B4GALT7: variants seen among roughly 807,000 people sequenced by gnomAD.
B4GALT7 encodes beta-1,4-galactosyltransferase 7.
B4GALT7 carries 30 observed loss-of-function variants against 33.0 expected under a neutral mutation model. The observed-to-expected ratio is 0.91, with a 90% CI of 0.68 to 1.23. B4GALT7 has a LOEUF of 1.23. Ranked by LOEUF, B4GALT7 falls within the 50% of genes most tolerant of loss-of-function variation. B4GALT7 has a pLI of 0.00. For missense variants in B4GALT7, 507 were observed against 450.8 expected, an observed-to-expected ratio of 1.12 and a Z score of -1.13; for synonymous variants, 213 against 187.2, an observed-to-expected ratio of 1.14 and a Z score of -1.13.
At position 177,608,020 on chromosome 5, in the gene B4GALT7, G is replaced by T; in HGVS notation, c.639+493G>T. The stretch of plus-strand genomic sequence containing the variant: ...GCTTGAGTGCTGAGCCCACCCCTCA[G>T]CCAGTCACTGGCTGGTGGACGGGCA... On this transcript the variant is annotated intron_variant, in intron 3 of 5. Coordinates refer to ENST00000029410, the MANE Select transcript of B4GALT7 (RefSeq NM_007255.3). This position sits in a 1 kb window ranked among gnomAD's most constrained non-coding sequence, Gnocchi z 4.1. 4.3e-6 allele frequency: 1 copy of T among 234,176 alleles called. No homozygotes were observed. Among genetic ancestry groups the T allele is most frequent in the Non-Finnish European group, 8.5e-6 (1 of 117,332 alleles). The allele number at this position is 234,176 out of a possible 1,614,324, so 14.5% of individuals were successfully genotyped here.
intron 2 of B4GALT7, chr5:177,604,966 T>C (rs28698736): frequency 0.99 from 451,341 of 457,468 alleles, 222,929 homozygotes; most frequent in East Asian, 1. Context: ...CTAAAATCCC[T>C]GCCCTTACCA....
chr5:177,609,416 A>G (rs754085502), intron 5 of B4GALT7, 124 bp from the exon 6 acceptor site: 35 of 1,272,140 alleles, frequency 2.8e-5, no homozygotes, highest in Non-Finnish European at 3.8e-5. Context: ...CACTGCTTTG[A>G]GCTCTGGGTT....
In B4GALT7 at chr5:177,600,498, T is replaced by TC. The variant is rs899423088; in HGVS notation, c.50+244dup. Among the ~76,000 whole-genome samples the TC allele has an allele frequency of 6.8e-6, 1 of 146,078 alleles. No individual in the cohort carries two copies. The highest frequency in any genetic ancestry group is 1.5e-5 in the Non-Finnish European group (1 of 66,722). On this transcript the variant is annotated intron_variant, in intron 1 of 5. Coordinates refer to ENST00000029410, the MANE Select transcript of B4GALT7 (RefSeq NM_007255.3). This position sits in a 1 kb window ranked among gnomAD's most constrained non-coding sequence, Gnocchi z 4.4. ...GGCACTCGTCCTTCCCCCAGCACCT[T>TC]CCCCCCGGCCCGTGGGTCCGTATTT...
intron 2 of B4GALT7, among the ~76,000 whole-genome samples, chr5:177,604,756 C>A (rs1234687815): frequency 6.6e-6 from 1 of 152,030 alleles, no homozygotes; most frequent in African/African-American, 2.4e-5. Context: ...TATACCAGGG[C>A]AAGAGGAGAA....
intron 2 of B4GALT7, 23 bp downstream of exon 2, chr5:177,604,564 C>A (rs778822650): frequency 1.2e-6 from 2 of 1,613,044 alleles, no homozygotes; most frequent in East Asian, 2.2e-5. Flanking sequence ...CCCACCCTCT[C>A]CCCTCGGCAC....
Position 177,609,029 on chromosome 5 carries a change from C to G in B4GALT7, c.828+15C>G, listed in dbSNP as rs1768100937. 2 of 1,604,522 alleles carry G rather than the reference C, an allele frequency of 1.2e-6. No homozygotes were observed. On this transcript the variant is annotated intron_variant, in intron 5 of 5. Coordinates refer to ENST00000029410, the MANE Select transcript of B4GALT7 (RefSeq NM_007255.3). ...CTCAAAAACAGGTGCTGGCAGGGCT[C>G]CTCATTGGGGACAGATAGGTGGTCA...
At chr5:177,601,739 C>G (rs1420468830) in intron 1 of B4GALT7, among the ~76,000 whole-genome samples, 1 of 151,960 alleles carries the variant, frequency 6.6e-6, no homozygotes, top group Non-Finnish European at 1.5e-5. Flanking sequence ...CTGGACTGCC[C>G]CTCAGAGCCA....
At chr5:177,605,819 CTT>C (rs1046719431) in intron 2 of B4GALT7, 2 of 152,910 alleles carry the variant, frequency 1.3e-5, no homozygotes, top group African/African-American at 4.8e-5. Context: ...ACCTCCTTCC[CTT>C]TCTCTCCCCT....
In B4GALT7 at chr5:177,609,528, C is replaced by T. The variant is rs375904246; in HGVS notation, c.829-12C>T. 1 of 1,612,846 alleles carries T rather than the reference C, an allele frequency of 6.2e-7. No individual in the cohort carries two copies. The highest frequency in any genetic ancestry group is 8.5e-7 in the Non-Finnish European group (1 of 1,180,016). Reference sequence around the variant, plus strand: ...GCCCTGAGTCCGTGCTCTTTCCTCTCTTCCTCCCCAGGAGCAGTTCAAGGT... The same window carrying T: ...GCCCTGAGTCCGTGCTCTTTCCTCTTTTCCTCCCCAGGAGCAGTTCAAGGT... On this transcript the variant is annotated splice_polypyrimidine_tract_variant and intron_variant, in intron 5 of 5. Transcript: ENST00000029410.
chr5:177,603,953 A>G (rs1170884656), intron 1 of B4GALT7: 2 of 613,520 alleles, frequency 3.3e-6, no homozygotes, highest in Non-Finnish European at 5.7e-6. Context: ...AGTGGTTCAG[A>G]GGGCTTCCCG....
chr5:177,603,950 C>G, intron 1 of B4GALT7: 2 of 607,340 alleles, frequency 3.3e-6, no homozygotes, highest in Non-Finnish European at 5.8e-6. Context: ...GGGAGTGGTT[C>G]AGAGGGCTTC....
Position 177,600,186 on chromosome 5 carries a change from C to T in B4GALT7, c.-25C>T, listed in dbSNP as rs937213356. On this transcript the variant is annotated 5_prime_UTR_variant, in exon 1 of 6. Transcript: ENST00000029410. This position sits in a 1 kb window ranked among gnomAD's most constrained non-coding sequence, Gnocchi z 4.4. ...GCCGGCCGGGCTGCGAGCGCCTGCC[C>T]CATGCGCCGCCGCCTCTCCGCACGA... is the stretch of plus-strand genomic sequence containing the variant. The T allele has an allele frequency of 1.4e-5, 19 of 1,343,764 alleles. No homozygotes were observed. Among genetic ancestry groups the T allele is most frequent in the Middle Eastern group, 2.8e-4 (1 of 3,606 alleles). The allele number at this position is 1,343,764 out of a possible 1,614,324, so 83.2% of individuals were successfully genotyped here.
At chr5:177,603,230 TGTGAA>T in intron 1 of B4GALT7, 1 of 985,342 alleles carries the variant, frequency 1.0e-6, no homozygotes, top group Non-Finnish European at 1.2e-6. Flanking sequence ...CTCTTAAGAT[TGTGAA>T]GTGGATTCCT....
chr5:177,602,897 T>G (rs373859723), intron 1 of B4GALT7: 10 of 357,938 alleles, frequency 2.8e-5, no homozygotes, highest in Non-Finnish European at 3.7e-5. Context: ...ATTTATTTAT[T>G]TATGAGATGG....
At chr5:177,603,928 G>A in intron 1 of B4GALT7, 1 of 557,904 alleles carries the variant, frequency 1.8e-6, no homozygotes, top group Non-Finnish European at 3.2e-6. Context: ...AGCCGGGGCA[G>A]CTCTGTGAAC....
At chr5:177,601,143 A>C (rs1386382366) in intron 1 of B4GALT7, among the ~76,000 whole-genome samples, 1 of 152,158 alleles carries the variant, frequency 6.6e-6, no homozygotes, top group Non-Finnish European at 1.5e-5. Context: ...TTTAGTGGCC[A>C]CAACTTGTAC....
intron 1 of B4GALT7, 59 bp from the exon 2 acceptor site, chr5:177,604,120 G>C: frequency 6.2e-7 from 1 of 1,610,366 alleles, no homozygotes. Context: ...CCAGAGAACG[G>C]GTCTGTCACA....
In B4GALT7 at chr5:177,608,495, C is replaced by CCA; in HGVS notation, c.640-43_640-42insAC. 6.4e-7 allele frequency: 1 copy of CCA among 1,565,800 alleles called. No individual in the cohort carries two copies. Among genetic ancestry groups the CCA allele is most frequent in the African/African-American group, 1.4e-5 (1 of 73,866 alleles). On this transcript the variant is annotated intron_variant, in intron 3 of 5. Transcript: ENST00000029410. The surrounding 1 kb of genome is among the most constrained non-coding windows in gnomAD (Gnocchi z 4.1). ...GCGGTAGGAGACCAAAGGCCCCCCC[C>CCA]CCCGGGAAGATGGGCCGAGTGACGC...
chr5:177,600,193 C>T lies in B4GALT7; in HGVS notation c.-18C>T, dbSNP rs1014385720. 2.2e-6 allele frequency: 3 copies of T among 1,357,530 alleles called. No individual in the cohort carries two copies. The highest frequency in any genetic ancestry group is 3.0e-5 in the African/African-American group (2 of 66,332). The allele number at this position is 1,357,530 out of a possible 1,614,324, so 84.1% of individuals were successfully genotyped here. ...GGGCTGCGAGCGCCTGCCCCATGCGCCGCCGCCTCTCCGCACGATGTTCCC... is the reference window on the plus strand; with the variant it reads ...GGGCTGCGAGCGCCTGCCCCATGCGTCGCCGCCTCTCCGCACGATGTTCCC... On this transcript the variant is annotated 5_prime_UTR_variant, in exon 1 of 6. Transcript: ENST00000029410. The surrounding 1 kb of genome is among the most constrained non-coding windows in gnomAD (Gnocchi z 4.4).
Sources: allele counts gnomAD v4.1 joint callset (sites outside exome capture counted in the v4.1 genomes callset), GRCh38; gene constraint gnomAD v4.1.1; non-coding constraint Gnocchi (gnomAD v3.1); transcripts MANE v1.5; gene names NCBI Gene and HGNC (gene_info 2026-07-23, HGNC 2026-07-21).